The following OCRL variants were observed in gnomAD, a reference collection of about 807,000 sequenced individuals.
OCRL encodes inositol polyphosphate 5-phosphatase OCRL.
Under a neutral mutation model 78.9 loss-of-function variants are expected in OCRL, and 8 were observed. The ratio of observed to expected loss-of-function variants is 0.10; its 90% CI spans 0.06 to 0.18. The LOEUF (loss-of-function observed/expected upper bound fraction) is 0.18. Among genes scored for constraint, OCRL ranks in the 10% least tolerant of loss-of-function variants. The probability of loss-of-function intolerance (pLI) is 1.00; values close to 1 mark genes in which losing one functional copy is unlikely to be tolerated. For synonymous variants in OCRL, 240 were observed against 235.4 expected, an observed-to-expected ratio of 1.02 and a Z score of -0.18; for missense variants, 454 against 696.7, an observed-to-expected ratio of 0.65 and a Z score of 3.92.
At chrX:129,548,962 A>G (rs1935924912) in intron 4 of OCRL, among the ~76,000 whole-genome samples, 1 of 111,545 alleles carries the variant, frequency 9.0e-6, no homozygotes. Context: ...TTTTTTGGTC[A>G]TTTTTTAACT....
At chrX:129,562,921 G>C in intron 12 of OCRL, 135 bp downstream of exon 12, 2 of 558,460 alleles carry the variant, frequency 3.6e-6, no homozygotes, top group Non-Finnish European at 5.8e-6. Flanking sequence ...ACAAAGGAGA[G>C]GGTTTTTGAG....
At chrX:129,569,840 C>CTTT (rs139960777) in intron 15 of OCRL, among the ~76,000 whole-genome samples, 49 of 83,791 alleles carry the variant, frequency 5.8e-4, no homozygotes, top group East Asian at 1.2e-3. Flanking sequence ...CTTATTTTTT[C>CTTT]TTTTTTTTTT....
chrX:129,577,323 TA>T (rs781325343), intron 18 of OCRL, among the ~76,000 whole-genome samples: 70 of 112,331 alleles, frequency 6.2e-4, no homozygotes, highest in Non-Finnish European at 1.2e-3. Flanking sequence ...CAAGCTATAA[TA>T]TTAATGTTTT....
chrX:129,557,502 C>T, intron 5 of OCRL, 67 bp downstream of exon 5: 1 of 1,009,614 alleles, frequency 9.9e-7, no homozygotes, highest in Non-Finnish European at 1.4e-6. Flanking sequence ...CATGCTGATA[C>T]AGAGGAAAGT....
At chrX:129,544,007 A>G (rs1935843984) in intron 2 of OCRL, among the ~76,000 whole-genome samples, 1 of 110,943 alleles carries the variant, frequency 9.0e-6, no homozygotes, top group African/African-American at 3.3e-5. Context: ...GGGCAAACAA[A>G]GGCGATAAGG....
chrX:129,570,518 T>C (rs1936286131), intron 15 of OCRL, among the ~76,000 whole-genome samples: 1 of 112,488 alleles, frequency 8.9e-6, no homozygotes, highest in Non-Finnish European at 1.9e-5. Context: ...CCTGCTCCTG[T>C]TTTAAGGAAG....
chrX:129,576,195 G>T, intron 17 of OCRL, 122 bp from the exon 18 acceptor site: 1 of 903,575 alleles, frequency 1.1e-6, no homozygotes. Flanking sequence ...TGTGTGTCCT[G>T]TCTCTTCCCC....
chrX:129,559,143 A>G (rs1936107480), intron 8 of OCRL, 142 bp downstream of exon 8: 2 of 528,573 alleles, frequency 3.8e-6, no homozygotes, highest in Admixed American at 3.7e-5. Flanking sequence ...TCCTGTCTCT[A>G]TGCTGGCCAA....
At chrX:129,584,212 A>T (rs1043365198) in intron 18 of OCRL, 132 bp from the exon 19 acceptor site, 6 of 515,204 alleles carry the variant, frequency 1.2e-5, no homozygotes, top group Non-Finnish European at 2.0e-5. Flanking sequence ...TTATTTGAAG[A>T]ATTCAAAGCT....
chrX:129,581,857 C>CTCTCTCTCTG (rs1393377258), intron 18 of OCRL, among the ~76,000 whole-genome samples: 1 of 99,174 alleles, frequency 1.0e-5, no homozygotes, highest in Non-Finnish European at 2.0e-5. Context: ...CTCTCTCTCT[C>CTCTCTCTCTG]TCTCTCTCTG....
rs1936581620 is a variant in OCRL, at chrX:129,591,202, A to G, written c.*932A>G. On this transcript the variant is annotated 3_prime_UTR_variant, in exon 24 of 24. Coordinates refer to ENST00000371113, the MANE Select transcript of OCRL (RefSeq NM_000276.4). ...TCTTGTACCTCAGGCAGGCCCATCT[A>G]GAGCTATTGCTCCTTCCCACAGCAA... 1 of 114,051 alleles carries G rather than the reference A, an allele frequency of 8.8e-6. No individual in the cohort carries two copies. The highest frequency in any genetic ancestry group is 9.4e-5 in the Admixed American group (1 of 10,593). 9.4% of individuals were successfully genotyped at this position (114,051 alleles called of 1,213,427 possible).
In OCRL at chrX:129,576,381, G is replaced by A. The variant is rs776881376; in HGVS notation, c.1944G>A (p.Ser648=). 29 of 1,209,369 alleles carry A rather than the reference G, an allele frequency of 2.4e-5. No individual in the cohort carries two copies. Among genetic ancestry groups the A allele is most frequent in the South Asian group, 1.2e-4 (7 of 56,789 alleles). ...VSKDSVTILN[S]GEDKIEDILV... ...AAGACTCTGTAACCATCCTGAACTCGGGAGAAGATAAGATTGAAGATATTC... is the reference window on the plus strand; with the variant it reads ...AAGACTCTGTAACCATCCTGAACTCAGGAGAAGATAAGATTGAAGATATTC... Residue 648 remains serine, a synonymous_variant, in exon 18 of 24, where the codon TCG becomes TCA. Transcript: ENST00000371113.
chrX:129,573,776 T>A (rs1936333581), intron 15 of OCRL, among the ~76,000 whole-genome samples: 1 of 111,034 alleles, frequency 9.0e-6, no homozygotes, highest in African/African-American at 3.3e-5. Flanking sequence ...GCTGGGGTGG[T>A]TTCGAACTCC....
At chrX:129,581,799 A>G (rs1296766482) in intron 18 of OCRL, among the ~76,000 whole-genome samples, 1 of 84,805 alleles carries the variant, frequency 1.2e-5, no homozygotes, top group East Asian at 4.3e-4. Flanking sequence ...TGCTTGACCT[A>G]CCTCGGTAGC....
chrX:129,557,452 C>T lies in OCRL; in HGVS notation c.349+17C>T, dbSNP rs1250501292. The stretch of plus-strand genomic sequence containing the variant: ...CTCAGAAAGGTAACTAAAGACTCAG[C>T]GATTTTCTTTCTTCTATTTCAACGG... On this transcript the variant is annotated intron_variant, in intron 5 of 23. Transcript: ENST00000371113. 5 of 1,165,269 alleles carry T rather than the reference C, an allele frequency of 4.3e-6. No homozygotes were observed. Among genetic ancestry groups the T allele is most frequent in the Admixed American group, 2.2e-5 (1 of 45,353 alleles).
chrX:129,577,276 A>G (rs928144618), intron 18 of OCRL, among the ~76,000 whole-genome samples: 12 of 111,777 alleles, frequency 1.1e-4, no homozygotes, highest in African/African-American at 3.9e-4. Context: ...TGCTTAAGAA[A>G]GAAAAGGAGG....
chrX:129,591,023 G>A lies in OCRL; in HGVS notation c.*753G>A, dbSNP rs1459352014. On this transcript the variant is annotated 3_prime_UTR_variant, in exon 24 of 24. Coordinates refer to ENST00000371113, the MANE Select transcript of OCRL (RefSeq NM_000276.4). ...AGCACTTTGAGTATCTGAAGAGTGA[G>A]AGCATTCATGTTTGACAGGTCCTGC... is the stretch of plus-strand genomic sequence containing the variant. The A allele has an allele frequency of 8.8e-6, 1 of 113,557 alleles. No individual in the cohort carries two copies. The highest frequency in any genetic ancestry group is 1.9e-5 in the Non-Finnish European group (1 of 53,346). 9.4% of individuals were successfully genotyped at this position (113,557 alleles called of 1,213,427 possible).
chrX:129,560,852 G>A (rs181121139), intron 9 of OCRL, among the ~76,000 whole-genome samples: 7 of 112,702 alleles, frequency 6.2e-5, no homozygotes, highest in East Asian at 5.5e-4. Context: ...CTTGAAACCC[G>A]TAGGAATCTA....
rs1935765909 is a variant in OCRL at position 129,540,279 on chromosome X, A to AGCTCCCAGCTCCCC, written c.-154_-141dup. 10 of 565,283 alleles carry AGCTCCCAGCTCCCC rather than the reference A, an allele frequency of 1.8e-5. No homozygotes were observed. Among genetic ancestry groups the AGCTCCCAGCTCCCC allele is most frequent in the Admixed American group, 5.6e-5 (2 of 35,399 alleles). 46.6% of individuals were successfully genotyped at this position (565,283 alleles called of 1,213,427 possible). On this transcript the variant is annotated 5_prime_UTR_variant, in exon 1 of 24. Transcript: ENST00000371113. ...CCGCTCTCTCTTGGGTCAGATTCTCAGCTCCCAGCTCCCCGCTCCCGGCTC... is the reference window on the plus strand; with the variant it reads ...CCGCTCTCTCTTGGGTCAGATTCTCAGCTCCCAGCTCCCCGCTCCCAGCTCCCCGCTCCCGGCTC...
Sources: gnomAD v4.1 joint callset for allele counts (sites outside exome capture counted in the v4.1 genomes callset) on GRCh38, gnomAD v4.1.1 for gene constraint, MANE v1.5 for transcripts, NCBI Gene and HGNC (gene_info 2026-07-23, HGNC 2026-07-21) for gene names.